The following GC variants were observed in gnomAD, a reference collection of about 807,000 sequenced individuals.
The protein encoded by GC is GC vitamin D binding protein.
A neutral mutation model predicts 56.7 loss-of-function variants in GC; 43 were observed. That is an observed-to-expected ratio of 0.76 (90% CI 0.59 to 0.98). The LOEUF is 0.98. Among genes scored for constraint, GC ranks in the 50% least tolerant of loss-of-function variants. The pLI is 0.00. For synonymous variants in GC, 216 were observed against 202.7 expected (o/e 1.07, Z -0.56); for missense variants, 529 against 545.9 (o/e 0.97, Z 0.31).
upstream of GC, among the ~76,000 whole-genome samples, chr4:71,804,562 C>G (rs1743320098): frequency 6.6e-6 from 1 of 151,934 alleles, no homozygotes; most frequent in African/African-American, 2.4e-5. Flanking sequence ...GAGGTATTGA[C>G]TGGCCTCCAA....
At chr4:71,762,926 C>T (rs1742031030) in intron 6 of GC, among the ~76,000 whole-genome samples, 1 of 152,088 alleles carries the variant, frequency 6.6e-6, no homozygotes, top group South Asian at 2.1e-4. Flanking sequence ...TAGACTAATA[C>T]AAAGGTAGAT....
chr4:71,781,634 G>A (rs1464204605), intron 1 of GC, among the ~76,000 whole-genome samples: 1 of 151,808 alleles, frequency 6.6e-6, no homozygotes, highest in Non-Finnish European at 1.5e-5. Flanking sequence ...AGGGAAGAGG[G>A]AAAGATATAT....
chr4:71,771,451 C>CAA (rs1215497802), intron 1 of GC, among the ~76,000 whole-genome samples: 1 of 151,926 alleles, frequency 6.6e-6, no homozygotes, highest in Non-Finnish European at 1.5e-5. Flanking sequence ...GATACCCCCC[C>CAA]AAAATATTTT....
intron 6 of GC, among the ~76,000 whole-genome samples, chr4:71,761,373 G>C (rs1381625253): frequency 6.6e-6 from 1 of 152,206 alleles, no homozygotes; most frequent in Non-Finnish European, 1.5e-5. Context: ...CATTCAAGAG[G>C]TGAATTGAGT....
intron 1 of GC, among the ~76,000 whole-genome samples, chr4:71,771,076 A>G (rs1377932575): frequency 1.3e-5 from 2 of 152,186 alleles, no homozygotes; most frequent in East Asian, 3.8e-4. Flanking sequence ...AAAAAAATGT[A>G]GGAAGTATAT....
chr4:71,799,412 G>T (rs1264909163), intron 1 of GC, among the ~76,000 whole-genome samples: 1 of 152,162 alleles, frequency 6.6e-6, no homozygotes, highest in Non-Finnish European at 1.5e-5. Context: ...GTGAGGCTAA[G>T]TTCCTGGTGA....
In GC at chr4:71,752,535, G is replaced by C; in HGVS notation, c.1378C>G (p.Leu460Val). Reference protein sequence around the residue: ...SNCCSINSPPLYCDSEIDAEL... With the variant: ...SNCCSINSPPVYCDSEIDAEL... ...TTTCCTACCTCTGAATCACAGTAAA[G>C]AGGAGGTGAGTTTATGGAACAGCAG... is the stretch of plus-strand genomic sequence containing the variant. The change falls in exon 11 of 13, where the codon CTT (leucine) becomes GTT (valine). Residue 460 changes from leucine to valine, a missense_variant. By Grantham distance (32) the Leu-to-Val change is conservative. Coordinates refer to ENST00000273951, the MANE Select transcript of GC (RefSeq NM_000583.4). 1 of 1,613,300 alleles carries C rather than the reference G, an allele frequency of 6.2e-7. No individual in the cohort carries two copies. The highest frequency in any genetic ancestry group is 8.5e-7 in the Non-Finnish European group (1 of 1,179,562).
intron 1 of GC, among the ~76,000 whole-genome samples, chr4:71,772,028 C>G (rs1742359716): frequency 6.6e-6 from 1 of 152,066 alleles, no homozygotes; most frequent in Non-Finnish European, 1.5e-5. Flanking sequence ...TGAAAGCAGC[C>G]TTTTGAAGAG....
chr4:71,751,477 C>G (rs995038733), intron 11 of GC, among the ~76,000 whole-genome samples: 7 of 152,120 alleles, frequency 4.6e-5, no homozygotes, highest in Non-Finnish European at 8.8e-5. Flanking sequence ...TTAATACTAT[C>G]AGAGAAAACA....
At chr4:71,761,760 G>T (rs1741983071) in intron 6 of GC, among the ~76,000 whole-genome samples, 1 of 152,228 alleles carries the variant, frequency 6.6e-6, no homozygotes, top group Admixed American at 6.5e-5. Flanking sequence ...TGGCTTCAGA[G>T]AGTGTAAGCC....
At chr4:71,794,286 T>C (rs929588711) in intron 1 of GC, among the ~76,000 whole-genome samples, 3 of 152,242 alleles carry the variant, frequency 2.0e-5, no homozygotes, top group Admixed American at 6.5e-5. Flanking sequence ...TGTCTGGTCC[T>C]GGACTTTATT....
At chr4:71,754,806 A>G (rs1741669189) in intron 9 of GC, among the ~76,000 whole-genome samples, 172 bp downstream of exon 9, 1 of 152,212 alleles carries the variant, frequency 6.6e-6, no homozygotes, top group Non-Finnish European at 1.5e-5. Context: ...ATGGGTCATG[A>G]GATACTGATG....
At chr4:71,762,482 T>G (rs1013080942) in intron 6 of GC, among the ~76,000 whole-genome samples, 2 of 152,194 alleles carry the variant, frequency 1.3e-5, no homozygotes, top group Non-Finnish European at 2.9e-5. Context: ...GAGTTAAGAC[T>G]TTGGGGGACT....
intron 1 of GC, among the ~76,000 whole-genome samples, chr4:71,773,547 T>C (rs781615602): frequency 6.6e-6 from 1 of 152,056 alleles, no homozygotes; most frequent in Non-Finnish European, 1.5e-5. Flanking sequence ...CATGTAACTT[T>C]CGTTGTAATG....
upstream of GC, among the ~76,000 whole-genome samples, chr4:71,788,608 G>C (rs113423618): frequency 1.1e-3 from 143 of 132,776 alleles, 1 homozygote; most frequent in African/African-American, 3.9e-3. Flanking sequence ...TGATGGTTCA[G>C]ACTAGATGCA....
In GC at chr4:71,784,050, C is replaced by T. The variant is rs756959725; in HGVS notation, c.-32G>A. 1 of 1,597,918 alleles carries T rather than the reference C, an allele frequency of 6.3e-7. No individual in the cohort carries two copies. The highest frequency in any genetic ancestry group is 1.3e-5 in the African/African-American group (1 of 74,374). ...ACCAGAGAGTCTTGCAGCACCTCCTCTCTCCTGTAGGTGACCATGTAAAAG... is the reference window on the plus strand; with the variant it reads ...ACCAGAGAGTCTTGCAGCACCTCCTTTCTCCTGTAGGTGACCATGTAAAAG... On this transcript the variant is annotated 5_prime_UTR_variant, in exon 1 of 13. Coordinates refer to ENST00000273951, the MANE Select transcript of GC (RefSeq NM_000583.4).
intron 6 of GC, among the ~76,000 whole-genome samples, chr4:71,761,794 G>A (rs1240916169): frequency 3.3e-5 from 5 of 152,170 alleles, no homozygotes; most frequent in African/African-American, 1.2e-4. Context: ...GCTTTCATGT[G>A]GTGTTGAGCC....
chr4:71,741,973 ATTTATGCC>A, intron 12 of GC, 103 bp from the exon 13 acceptor site: 1 of 693,758 alleles, frequency 1.4e-6, no homozygotes, highest in Admixed American at 2.0e-5. Context: ...CTATTTTAAT[ATTTATGCC>A]AAAAATGACT....
chr4:71,751,053 T>C (rs1741540675), intron 11 of GC, among the ~76,000 whole-genome samples: 1 of 152,190 alleles, frequency 6.6e-6, no homozygotes, highest in Admixed American at 6.5e-5. Context: ...GAGTTATTAC[T>C]AATGTCTCCA....
Sources: allele counts gnomAD v4.1 joint callset (sites outside exome capture counted in the v4.1 genomes callset), GRCh38; gene constraint gnomAD v4.1.1; transcripts MANE v1.5; gene names NCBI Gene and HGNC (gene_info 2026-07-23, HGNC 2026-07-21).